Variants in CORO7 observed in about 807,000 individuals in gnomAD.
CORO7 encodes coronin 7, also known as coronin-7.
CORO7 carries 107 observed loss-of-function variants against 126.6 expected under a neutral mutation model. The observed-to-expected ratio is 0.85, with a 90% CI of 0.72 to 0.99. The LOEUF (loss-of-function observed/expected upper bound fraction) is 0.99. CORO7 is among the 50% of genes least tolerant of loss of function. The probability of loss-of-function intolerance (pLI) is 0.00; values close to 1 mark genes in which losing one functional copy is unlikely to be tolerated. For synonymous variants in CORO7, 603 were observed against 536.8 expected, an observed-to-expected ratio of 1.12 and a Z score of -1.70; for missense variants, 1,314 against 1,255.8, an observed-to-expected ratio of 1.05 and a Z score of -0.70.
chr16:4,386,814 C>T (rs1429927956), intron 9 of CORO7, among the ~76,000 whole-genome samples: 1 of 152,202 alleles, frequency 6.6e-6, no homozygotes, highest in South Asian at 2.1e-4. Context: ...CTGACCCCTA[C>T]CCCTCCTCTG....
intron 16 of CORO7, 145 bp from the exon 17 acceptor site, chr16:4,361,614 AC>A: frequency 9.9e-7 from 1 of 1,012,808 alleles, no homozygotes; most frequent in Non-Finnish European, 1.5e-6. Context: ...CTCTGCCCTG[AC>A]CACCTTGCGC....
intron 9 of CORO7, among the ~76,000 whole-genome samples, chr16:4,373,439 G>A (rs1485325648): frequency 6.6e-6 from 1 of 152,130 alleles, no homozygotes; most frequent in Admixed American, 6.5e-5. Flanking sequence ...GGGGCTGGGG[G>A]CTGGGGTCCC....
chr16:4,385,286 G>A (rs1283673891), intron 9 of CORO7, among the ~76,000 whole-genome samples: 1 of 152,160 alleles, frequency 6.6e-6, no homozygotes, highest in Non-Finnish European at 1.5e-5. Flanking sequence ...AAGACAACAT[G>A]CTCACAGTAA....
chr16:4,409,384 T>C (rs1232045575), intron 3 of CORO7, among the ~76,000 whole-genome samples: 1 of 152,204 alleles, frequency 6.6e-6, no homozygotes, highest in East Asian at 1.9e-4. Context: ...AGCAGGTCCC[T>C]GGGCAGGTGT....
chr16:4,395,996 T>TGTGTC (rs55837244), intron 6 of CORO7, among the ~76,000 whole-genome samples: 1 of 151,112 alleles, frequency 6.6e-6, no homozygotes, highest in African/African-American at 2.4e-5. Flanking sequence ...CATGCACACG[T>TGTGTC]TGTGTGTGTG....
chr16:4,358,674 A>G (rs1567242789), intron 23 of CORO7, among the ~76,000 whole-genome samples, 191 bp from the exon 24 acceptor site: 1 of 151,956 alleles, frequency 6.6e-6, no homozygotes, highest in Non-Finnish European at 1.5e-5. Context: ...GTGTTTTCCT[A>G]TTTCCACAGT....
In CORO7 at chr16:4,407,636, G is replaced by C. The variant is rs1347360712; in HGVS notation, c.352C>G (p.Pro118Ala). 2 of 1,610,038 alleles carry C rather than the reference G, an allele frequency of 1.2e-6. No individual in the cohort carries two copies. The highest frequency in any genetic ancestry group is 1.1e-5 in the South Asian group (1 of 90,564). ...TCCTCGGGGCCCAGCACCACCCCGG[G>C]TGCTGAGGGCAGGGCCTGGCCAGGC... is the stretch of plus-strand genomic sequence containing the variant. ...PGPGQALPSA[P>A]GVVLGPEDLP... Residue 118 changes from proline (P) to alanine (A), a missense_variant, in exon 5 of 28, where the codon CCC becomes GCC. Pro to Ala is a conservative substitution (Grantham distance 27). Transcript: ENST00000251166.
chr16:4,389,048 G>A (rs1292120550), intron 7 of CORO7, among the ~76,000 whole-genome samples: 3 of 152,200 alleles, frequency 2.0e-5, no homozygotes, highest in Admixed American at 6.5e-5. Context: ...GCTTGTGTAA[G>A]GGGCTCACGA....
chr16:4,382,927 C>T (rs1188210362), intron 9 of CORO7: 16 of 1,467,500 alleles, frequency 1.1e-5, no homozygotes, highest in Middle Eastern at 1.8e-4. Flanking sequence ...CAGCTGGGGC[C>T]GGGCTCTCAG....
intron 9 of CORO7, among the ~76,000 whole-genome samples, chr16:4,369,614 C>A (rs116814421): frequency 0.028 from 4,281 of 152,282 alleles, 131 homozygotes; most frequent in African/African-American, 0.078. Context: ...CCCGCCAGCT[C>A]TCCCAGGACT....
At chr16:4,355,730 C>T (rs576872040) in intron 26 of CORO7, 47 of 233,040 alleles carry the variant, frequency 2.0e-4, no homozygotes, top group Non-Finnish European at 3.2e-4. Flanking sequence ...CGGCCTCCCA[C>T]GGTGCTGGGA....
intron 9 of CORO7, among the ~76,000 whole-genome samples, chr16:4,385,607 C>A (rs2055170016): frequency 6.6e-6 from 1 of 152,206 alleles, no homozygotes. Flanking sequence ...AAGCATGGTA[C>A]CAAGCACACA....
chr16:4,405,022 C>T (rs1596334927), intron 6 of CORO7, among the ~76,000 whole-genome samples: 2 of 152,140 alleles, frequency 1.3e-5, no homozygotes, highest in African/African-American at 4.8e-5. Flanking sequence ...TGAGGCCACG[C>T]GTCCCTGGCC....
At chr16:4,394,950 C>G (rs1287331901) in intron 7 of CORO7, among the ~76,000 whole-genome samples, 3 of 152,246 alleles carry the variant, frequency 2.0e-5, no homozygotes, top group Admixed American at 6.5e-5. Context: ...TTTGGCTCCT[C>G]TGCAGCTGGT....
chr16:4,401,931 T>C (rs1389083197), intron 6 of CORO7, among the ~76,000 whole-genome samples: 2 of 140,288 alleles, frequency 1.4e-5, no homozygotes, highest in Non-Finnish European at 3.1e-5. Flanking sequence ...TTTTTTGAGG[T>C]TTTAGTTTGT....
intron 16 of CORO7, chr16:4,361,753 C>A (rs962510345): frequency 9.8e-6 from 8 of 819,572 alleles, no homozygotes; most frequent in Non-Finnish European, 1.6e-5. Context: ...ACTTACACAG[C>A]TGTGTGACCC....
chr16:4,361,211 G>A lies in CORO7; in HGVS notation c.1725C>T (p.Pro575=), dbSNP rs754998231. 26 of 1,611,584 alleles carry A rather than the reference G, an allele frequency of 1.6e-5. No individual in the cohort carries two copies. The highest frequency in any genetic ancestry group is 5.3e-5 in the African/African-American group (4 of 74,928). Residue 575 remains proline, a synonymous_variant, in exon 18 of 28, where the codon CCC becomes CCT. Coordinates refer to ENST00000251166, the MANE Select transcript of CORO7 (RefSeq NM_024535.5). Reference sequence around the variant, plus strand: ...TGAGCACCTCTTCCAGGCCCTCTGCGGGTACCCGCCACAGTCGGATCCTGG... The same window carrying A: ...TGAGCACCTCTTCCAGGCCCTCTGCAGGTACCCGCCACAGTCGGATCCTGG... The part of the protein sequence containing the change: ...EDARIRLWRV[P]AEGLEEVLTT...
intron 2 of CORO7, chr16:4,412,676 G>C: frequency 1.9e-6 from 1 of 529,358 alleles, no homozygotes; most frequent in South Asian, 2.6e-5. Flanking sequence ...TTTTTAACAC[G>C]GGTCATACGA....
chr16:4,412,540 A>G (rs2141335054), intron 2 of CORO7, 110 bp from the exon 3 acceptor site: 1 of 1,108,670 alleles, frequency 9.0e-7, no homozygotes, highest in East Asian at 2.4e-5. Flanking sequence ...ACCTTCCCAG[A>G]GCCTCTACCA....
Sources: allele counts gnomAD v4.1 joint callset (sites outside exome capture counted in the v4.1 genomes callset), GRCh38; gene constraint gnomAD v4.1.1; transcripts MANE v1.5; gene names NCBI Gene and HGNC (gene_info 2026-07-23, HGNC 2026-07-21).